The following ST7 variants were observed in gnomAD, a reference collection of about 807,000 sequenced individuals.
The protein encoded by ST7 is suppressor of tumorigenicity 7 protein.
In ST7, 28 loss-of-function variants were observed where a neutral mutation model predicts 78.7. The ratio of observed to expected loss-of-function variants is 0.36; its 90% confidence interval spans 0.26 to 0.49. The LOEUF is 0.49. ST7 is among the 20% of genes least tolerant of loss of function. The probability of loss-of-function intolerance (pLI) is 0.99; values close to 1 mark genes in which losing one functional copy is unlikely to be tolerated. For missense variants in ST7, 418 were observed against 696.0 expected, an observed-to-expected ratio of 0.60 and a Z score of 4.49; for synonymous variants, 247 against 249.6, an observed-to-expected ratio of 0.99 and a Z score of 0.10.
intron 12 of ST7, among the ~76,000 whole-genome samples, chr7:117,209,199 G>T (rs577465512): frequency 2.0e-5 from 3 of 152,038 alleles, no homozygotes; most frequent in Non-Finnish European, 2.9e-5. Context: ...CCTAGTCTTC[G>T]GGAAAGGATC....
At chr7:116,974,978 G>A (rs1447073339) in intron 1 of ST7, among the ~76,000 whole-genome samples, 2 of 152,090 alleles carry the variant, frequency 1.3e-5, no homozygotes, top group Non-Finnish European at 1.5e-5. Flanking sequence ...ATTCTGCCCT[G>A]ATTATAAGTA....
At chr7:117,010,821 G>C (rs1057204561) in intron 1 of ST7, among the ~76,000 whole-genome samples, 2 of 152,220 alleles carry the variant, frequency 1.3e-5, no homozygotes, top group Non-Finnish European at 2.9e-5. Context: ...ATTTAAGAGG[G>C]AAGAGTGAAG....
intron 1 of ST7, among the ~76,000 whole-genome samples, chr7:116,990,387 C>T (rs755225918): frequency 5.1e-4 from 77 of 152,028 alleles, no homozygotes; most frequent in Non-Finnish European, 9.4e-4. Flanking sequence ...ACTAGCTCTG[C>T]TTGTGCCTAG....
chr7:116,987,603 A>C (rs564872794), intron 1 of ST7, among the ~76,000 whole-genome samples: 21 of 152,314 alleles, frequency 1.4e-4, no homozygotes, highest in Non-Finnish European at 2.8e-4. Flanking sequence ...TCTTCAGAGT[A>C]ATTTCTGACC....
chr7:117,063,708 C>CAAAAT (rs1420540004), intron 1 of ST7, among the ~76,000 whole-genome samples: 15 of 152,180 alleles, frequency 9.9e-5, no homozygotes, highest in Admixed American at 4.6e-4. Flanking sequence ...GACCCGGTCT[C>CAAAAT]AAAATAAAAT....
chr7:117,167,348 T>C (rs527833400), intron 9 of ST7, among the ~76,000 whole-genome samples: 14 of 151,442 alleles, frequency 9.2e-5, no homozygotes, highest in African/African-American at 3.4e-4. Flanking sequence ...TGTCAGCATG[T>C]TTTAAATATC....
chr7:117,185,488 G>A (rs1809171257), intron 10 of ST7, among the ~76,000 whole-genome samples: 1 of 152,222 alleles, frequency 6.6e-6, no homozygotes, highest in African/African-American at 2.4e-5. Flanking sequence ...AATAAACACT[G>A]CTGATGGAGT....
chr7:117,040,161 C>G (rs1797132473), intron 1 of ST7, among the ~76,000 whole-genome samples: 1 of 151,972 alleles, frequency 6.6e-6, no homozygotes, highest in Non-Finnish European at 1.5e-5. Context: ...ATCACGATGT[C>G]AGGAGTTCAA....
At chr7:117,097,523 C>T (rs1287920178) in intron 1 of ST7, among the ~76,000 whole-genome samples, 5 of 151,698 alleles carry the variant, frequency 3.3e-5, no homozygotes, top group African/African-American at 1.2e-4. Context: ...GGGGTTTTGC[C>T]ATGTTGGCTA....
rs1584716506 is a variant in ST7 at position 117,120,152 on chromosome 7, ACTC to A, written c.394+435_394+437del. Among the ~76,000 whole-genome samples the A allele has an allele frequency of 2.0e-5, 3 of 151,798 alleles. No individual in the cohort carries two copies. In the East Asian group the frequency reaches 5.8e-4, roughly 29 times the overall value. Reference sequence around the variant, plus strand: ...GCTATGTTGTCTAGACTGGTCTCAAACTCCTGGGCTCAAGTAATCTGCCCGCCT... The same window carrying A: ...GCTATGTTGTCTAGACTGGTCTCAAACTGGGCTCAAGTAATCTGCCCGCCT... On this transcript the variant is annotated intron_variant, in intron 3 of 15. Transcript: ENST00000323984.
chr7:117,144,465 CAAA>C (rs755607145), intron 9 of ST7, among the ~76,000 whole-genome samples: 2 of 123,406 alleles, frequency 1.6e-5, no homozygotes, highest in Admixed American at 8.2e-5. Context: ...CCATCTCTAC[CAAA>C]AAAAAAAAAA....
At chr7:117,149,649 A>C (rs1457214598) in intron 9 of ST7, among the ~76,000 whole-genome samples, 1 of 28,048 alleles carries the variant, frequency 3.6e-5, no homozygotes, top group African/African-American at 1.4e-4. Context: ...TTGACATTTT[A>C]TTCTAATTTG....
intron 1 of ST7, among the ~76,000 whole-genome samples, chr7:117,032,326 A>G (rs1226866624): frequency 1.3e-5 from 2 of 151,940 alleles, no homozygotes; most frequent in African/African-American, 2.4e-5. Context: ...TCACTTTATT[A>G]TATTTATATA....
At chr7:117,019,195 A>G (rs1205978335) in intron 1 of ST7, among the ~76,000 whole-genome samples, 1 of 152,158 alleles carries the variant, frequency 6.6e-6, no homozygotes, top group African/African-American at 2.4e-5. Context: ...ACTTTCTACT[A>G]TATATGATTT....
At chr7:117,004,661 AAAAT>A (rs1329687868) in intron 1 of ST7, among the ~76,000 whole-genome samples, 8 of 152,146 alleles carry the variant, frequency 5.3e-5, no homozygotes, top group Admixed American at 3.3e-4. Context: ...ACCCTGTCTC[AAAAT>A]AAATAAATAA....
intron 10 of ST7, chr7:117,173,483 TG>T: frequency 6.6e-6 from 1 of 152,326 alleles, no homozygotes; most frequent in Middle Eastern, 3.4e-3. Context: ...TATCATGAAA[TG>T]GGTTCTTTCA....
intron 1 of ST7, among the ~76,000 whole-genome samples, chr7:116,978,545 C>T (rs766263666): frequency 4.6e-5 from 7 of 152,020 alleles, no homozygotes; most frequent in African/African-American, 1.2e-4. Context: ...AAATGAAGGT[C>T]GTAGCAGGAA....
chr7:117,049,559 C>T (rs1220635917), intron 1 of ST7, among the ~76,000 whole-genome samples: 1 of 152,140 alleles, frequency 6.6e-6, no homozygotes, highest in African/African-American at 2.4e-5. Context: ...ACAGGTATGC[C>T]TTTCTTATAG....
intron 12 of ST7, among the ~76,000 whole-genome samples, chr7:117,196,729 C>G (rs1164256237): frequency 1.5e-5 from 2 of 131,104 alleles, no homozygotes; most frequent in African/African-American, 2.9e-5. Context: ...GATATTTTCT[C>G]TATTCCACAG....
Sources: gnomAD v4.1 joint callset for allele counts (sites outside exome capture counted in the v4.1 genomes callset) on GRCh38, gnomAD v4.1.1 for gene constraint, MANE v1.5 for transcripts, NCBI Gene and HGNC (gene_info 2026-07-23, HGNC 2026-07-21) for gene names.